The following ATP13A4 variants were observed in gnomAD, a reference collection of about 807,000 sequenced individuals.
ATP13A4 encodes probable cation-transporting ATPase 13A4.
In ATP13A4, 114 loss-of-function variants were observed where a neutral mutation model predicts 142.5. The observed-to-expected ratio is 0.80, with a 90% CI of 0.69 to 0.93. ATP13A4 has a LOEUF of 0.93. Ranked by LOEUF, ATP13A4 falls within the 40% of genes least tolerant of loss-of-function variation. The pLI is 0.00. For missense variants in ATP13A4, 1,392 were observed against 1,454.0 expected (o/e 0.96, Z 0.69); for synonymous variants, 488 against 514.8 (o/e 0.95, Z 0.70).
intron 16 of ATP13A4, among the ~76,000 whole-genome samples, chr3:193,455,771 G>T (rs1451464635): frequency 6.6e-6 from 1 of 152,138 alleles, no homozygotes; most frequent in Non-Finnish European, 1.5e-5. Flanking sequence ...CAATAGCAAA[G>T]ACATGGAATC....
intron 7 of ATP13A4, among the ~76,000 whole-genome samples, chr3:193,485,954 C>T (rs1164349180): frequency 6.6e-6 from 1 of 150,694 alleles, no homozygotes; most frequent in Non-Finnish European, 1.5e-5. Flanking sequence ...CAATTGTCTT[C>T]TATTAAACCA....
chr3:193,406,549 G>A (rs1714506862), intron 29 of ATP13A4, among the ~76,000 whole-genome samples: 1 of 152,226 alleles, frequency 6.6e-6, no homozygotes, highest in South Asian at 2.1e-4. Context: ...AGCAGGGAGA[G>A]CGTGAATCAC....
At chr3:193,478,042 G>A (rs1054097864) in intron 8 of ATP13A4, among the ~76,000 whole-genome samples, 4 of 151,946 alleles carry the variant, frequency 2.6e-5, no homozygotes, top group Middle Eastern at 3.4e-3. Context: ...CTAAACAAAC[G>A]AAGCAGTGTT....
intron 2 of ATP13A4, among the ~76,000 whole-genome samples, chr3:193,568,874 A>G (rs149388142): frequency 1.1e-3 from 169 of 152,386 alleles, no homozygotes; most frequent in African/African-American, 3.9e-3. Context: ...AACCCAAAGT[A>G]TAAAATAAAT....
rs773630420 is a variant in ATP13A4 at position 193,407,272 on chromosome 3, G to A, written c.3378+41C>T. ...AAGAAGTCCCCCTACACACATGCGTGCACACACACAAGATCAGCAGCCCAA... is the reference window on the plus strand; with the variant it reads ...AAGAAGTCCCCCTACACACATGCGTACACACACACAAGATCAGCAGCCCAA... On this transcript the variant is annotated intron_variant, in intron 29 of 29. Transcript: ENST00000342695. 2.0e-6 allele frequency: 3 copies of A among 1,537,776 alleles called. No individual in the cohort carries two copies. The South Asian group carries it at 3.4e-5, about 17-fold the overall frequency.
intron 2 of ATP13A4, among the ~76,000 whole-genome samples, chr3:193,573,071 G>A (rs1044567263): frequency 1.3e-5 from 2 of 150,414 alleles, no homozygotes; most frequent in Non-Finnish European, 3.0e-5. Flanking sequence ...TAAGGGCTGA[G>A]GTGGGAGGAT....
At chr3:193,546,826 C>T (rs191260339) in intron 1 of ATP13A4, among the ~76,000 whole-genome samples, 2 of 152,280 alleles carry the variant, frequency 1.3e-5, no homozygotes, top group East Asian at 3.9e-4. Flanking sequence ...CTCCCTATGC[C>T]TAAATTTTCG....
chr3:193,499,190 A>G (rs1351917976), intron 3 of ATP13A4, among the ~76,000 whole-genome samples: 2 of 152,242 alleles, frequency 1.3e-5, no homozygotes, highest in Non-Finnish European at 2.9e-5. Flanking sequence ...TTGAAACATA[A>G]TGCATTTAAA....
chr3:193,533,786 T>C (rs1346987874), intron 1 of ATP13A4, among the ~76,000 whole-genome samples: 1 of 152,100 alleles, frequency 6.6e-6, no homozygotes, highest in African/African-American at 2.4e-5. Context: ...TCTTTCAACC[T>C]CCCTGCAAGG....
intron 2 of ATP13A4, among the ~76,000 whole-genome samples, chr3:193,570,072 G>A (rs1724226200): frequency 6.6e-6 from 1 of 152,178 alleles, no homozygotes; most frequent in African/African-American, 2.4e-5. Flanking sequence ...GGCTGAGGCA[G>A]GAGGATCACT....
At chr3:193,504,713 C>T (rs949458289) in intron 2 of ATP13A4, among the ~76,000 whole-genome samples, 3 of 151,996 alleles carry the variant, frequency 2.0e-5, no homozygotes, top group Admixed American at 1.3e-4. Flanking sequence ...TTCTAAAAAA[C>T]ATAGTTTCAA....
At chr3:193,432,407 T>C (rs1179100565) in intron 25 of ATP13A4, among the ~76,000 whole-genome samples, 1 of 152,078 alleles carries the variant, frequency 6.6e-6, no homozygotes, top group Non-Finnish European at 1.5e-5. Flanking sequence ...CCAGTGAAAA[T>C]GAAAACTTAT....
intron 1 of ATP13A4, among the ~76,000 whole-genome samples, chr3:193,522,824 G>A (rs896109955): frequency 6.6e-6 from 1 of 152,138 alleles, no homozygotes; most frequent in African/African-American, 2.4e-5. Context: ...CTTTTTGTCC[G>A]GTAATCTTGG....
chr3:193,584,766 A>G (rs1724636094), intron 1 of ATP13A4, among the ~76,000 whole-genome samples: 1 of 152,010 alleles, frequency 6.6e-6, no homozygotes, highest in African/African-American at 2.4e-5. Flanking sequence ...GCTTCATCTA[A>G]CCTCTACCCA....
At chr3:193,545,483 A>C (rs1293155254) in intron 1 of ATP13A4, among the ~76,000 whole-genome samples, 2 of 152,150 alleles carry the variant, frequency 1.3e-5, no homozygotes, top group Non-Finnish European at 2.9e-5. Flanking sequence ...AAAGTTGAGG[A>C]GATGGTATTC....
At chr3:193,568,717 A>T (rs1240295750) in intron 2 of ATP13A4, among the ~76,000 whole-genome samples, 1 of 152,230 alleles carries the variant, frequency 6.6e-6, no homozygotes, top group Non-Finnish European at 1.5e-5. Context: ...AATATACAAG[A>T]TGAGCCTCTT....
intron 1 of ATP13A4, among the ~76,000 whole-genome samples, chr3:193,533,138 T>C (rs1395233431): frequency 6.6e-6 from 1 of 152,132 alleles, no homozygotes; most frequent in Non-Finnish European, 1.5e-5. Flanking sequence ...CCCAGCACTT[T>C]GAGAGGCCAA....
At chr3:193,499,500 G>A (rs956941185) in intron 3 of ATP13A4, among the ~76,000 whole-genome samples, 1 of 152,136 alleles carries the variant, frequency 6.6e-6, no homozygotes, top group African/African-American at 2.4e-5. Context: ...CTGTGGTAGG[G>A]CAGATATTAT....
Position 193,412,266 on chromosome 3 carries a change from T to G in ATP13A4, c.3120A>C (p.Thr1040=). 1 of 1,613,494 alleles carries G rather than the reference T, an allele frequency of 6.2e-7. No individual in the cohort carries two copies. Among genetic ancestry groups the G allele is most frequent in the African/African-American group, 1.3e-5 (1 of 75,044 alleles). ...NSTFTSFENT[T]VWFLGTINCI... ...AGTTGATTGTTCCCAAGAACCAGAC[T>G]GTAGTGTTCTCAAAACTTGTGAAGG... Residue 1040 remains threonine, a synonymous_variant, in exon 27 of 30, where the codon ACA becomes ACC. Transcript: ENST00000342695.
Sources: allele counts gnomAD v4.1 joint callset (sites outside exome capture counted in the v4.1 genomes callset), GRCh38; gene constraint gnomAD v4.1.1; transcripts MANE v1.5; gene names NCBI Gene and HGNC (gene_info 2026-07-23, HGNC 2026-07-21).